PALD1: variants seen among roughly 807,000 people sequenced by gnomAD.
PALD1 encodes phosphatase domain containing paladin 1, also known as paladin.
PALD1 carries 57 observed loss-of-function variants against 96.0 expected under a neutral mutation model. The ratio of observed to expected loss-of-function variants is 0.59; its 90% CI spans 0.48 to 0.74. The LOEUF (loss-of-function observed/expected upper bound fraction) is 0.74, where lower values mean the gene tolerates loss of function less well. PALD1 is among the 30% of genes least tolerant of loss of function. The pLI, the probability that PALD1 is intolerant of heterozygous loss-of-function variation, is 0.00. For synonymous variants in PALD1, 464 were observed against 473.6 expected (o/e 0.98, Z 0.26); for missense variants, 1,063 against 1,143.7 (o/e 0.93, Z 1.02).
intron 1 of PALD1, among the ~76,000 whole-genome samples, chr10:70,490,359 C>A (rs901541701): frequency 2.6e-5 from 4 of 152,100 alleles, no homozygotes; most frequent in Admixed American, 2.0e-4. Flanking sequence ...GTAGCTAGGA[C>A]CACAGGCATG....
chr10:70,465,195 C>G, the PALD1 span, among the ~76,000 whole-genome samples: 1 of 151,728 alleles, frequency 6.6e-6, no homozygotes, highest in East Asian at 2.0e-4. Context: ...AGGATGGTCT[C>G]GATCTCCTGA....
chr10:70,529,378 C>G, intron 3 of PALD1, 47 bp downstream of exon 3: 1 of 890,742 alleles, frequency 1.1e-6, no homozygotes, highest in Admixed American at 2.0e-5. Context: ...CCTCCCACCC[C>G]TATCTCTCAT....
intron 1 of PALD1, among the ~76,000 whole-genome samples, chr10:70,493,091 TG>T (rs1464118320): frequency 2.6e-5 from 4 of 152,184 alleles, no homozygotes; most frequent in Non-Finnish European, 4.4e-5. Context: ...CCCCCTACCT[TG>T]GCTCATTCCG....
rs1401408118 is a variant in PALD1, at chr10:70,529,211, C to T, written c.186-18C>T. 10 of 10,646 alleles carry T rather than the reference C, an allele frequency of 9.4e-4. No individual in the cohort carries two copies. The highest frequency in any genetic ancestry group is 1.8e-3 in the African/African-American group (3 of 1,710). The allele number at this position is 10,646 out of a possible 1,614,324, so 0.7% of individuals were successfully genotyped here. On this transcript the variant is annotated intron_variant, in intron 2 of 19. Coordinates refer to ENST00000263563, the MANE Select transcript of PALD1 (RefSeq NM_014431.3). ...TGCTTGACTCAGTTTCCATTCTGCC[C>T]CCCCCCCCCCCCCCCAGGTACAACT...
intron 1 of PALD1, among the ~76,000 whole-genome samples, chr10:70,503,430 G>A (rs1274999565): frequency 6.6e-6 from 1 of 152,124 alleles, no homozygotes; most frequent in Non-Finnish European, 1.5e-5. Context: ...TAGGTCAGGA[G>A]TTCGAGAACA....
chr10:70,531,104 T>C (rs1846980368), intron 4 of PALD1, among the ~76,000 whole-genome samples, 186 bp from the exon 5 acceptor site: 1 of 152,130 alleles, frequency 6.6e-6, no homozygotes, highest in Non-Finnish European at 1.5e-5. Context: ...CACTGCTGAC[T>C]GGGAGGGTCA....
intron 1 of PALD1, among the ~76,000 whole-genome samples, chr10:70,522,746 A>T (rs1046845640): frequency 6.6e-6 from 1 of 151,932 alleles, no homozygotes; most frequent in African/African-American, 2.4e-5. Context: ...CTGCACCCCT[A>T]CCTTTGCTGA....
At chr10:70,514,968 G>A (rs1210074982) in intron 1 of PALD1, among the ~76,000 whole-genome samples, 1 of 152,180 alleles carries the variant, frequency 6.6e-6, no homozygotes, top group Non-Finnish European at 1.5e-5. Flanking sequence ...AGCGATGGAT[G>A]AGCAAAACAG....
At chr10:70,554,907 C>T (rs1847561305) in intron 18 of PALD1, among the ~76,000 whole-genome samples, 2 of 82,734 alleles carry the variant, frequency 2.4e-5, no homozygotes, top group Non-Finnish European at 5.0e-5. Context: ...TGAGCCTCCC[C>T]TCCCCTCTCC....
At chr10:70,471,703 GGC>G in the PALD1 span, among the ~76,000 whole-genome samples, 5 of 152,200 alleles carry the variant, frequency 3.3e-5, no homozygotes, top group African/African-American at 1.2e-4. Flanking sequence ...CACATTTCTA[GGC>G]GAAAGTCCTA....
chr10:70,564,705 G>C (rs1160445958), intron 19 of PALD1, among the ~76,000 whole-genome samples, 186 bp downstream of exon 19: 4 of 152,220 alleles, frequency 2.6e-5, no homozygotes, highest in African/African-American at 9.6e-5. Flanking sequence ...TTTGGGTCCC[G>C]AGCAGTTTGT....
intron 1 of PALD1, among the ~76,000 whole-genome samples, chr10:70,503,570 G>A (rs1311157803): frequency 2.0e-5 from 3 of 152,160 alleles, no homozygotes; most frequent in Non-Finnish European, 4.4e-5. Context: ...GGAGGCGGAG[G>A]CTGTGGTGAG....
chr10:70,505,753 G>T (rs552403209), intron 1 of PALD1, among the ~76,000 whole-genome samples: 2 of 152,316 alleles, frequency 1.3e-5, no homozygotes, highest in South Asian at 2.1e-4. Flanking sequence ...AGGTGCAGTG[G>T]CTCACGTCTG....
chr10:70,541,049 G>C, intron 15 of PALD1, 53 bp from the exon 16 acceptor site: 1 of 1,532,580 alleles, frequency 6.5e-7, no homozygotes, highest in Non-Finnish European at 8.8e-7. Flanking sequence ...CCCTGTTGGG[G>C]TTTGTGCATC....
In PALD1 at chr10:70,566,730, G is replaced by A. The variant is rs141110085; in HGVS notation, c.2568G>A (p.Leu856=). 4,064 of 1,588,292 alleles carry A rather than the reference G, an allele frequency of 2.6e-3. 7 individuals are homozygous for A. Among genetic ancestry groups the A allele is most frequent in the Non-Finnish European group, 3.1e-3 (3,575 of 1,168,406 alleles). The change falls in exon 20 of 20, where the codon CTG becomes CTA. Residue 856 remains leucine (L), a synonymous_variant. Coordinates refer to ENST00000263563, the MANE Select transcript of PALD1 (RefSeq NM_014431.3). ...AGCCCTCTGCCCCCGAGGACTTGCT[G>A]TAGGGGGCCTTACTCCCTGTCCCCC... ...SLEPSAPEDL[L]
At chr10:70,512,711 A>C (rs1846537001) in intron 1 of PALD1, among the ~76,000 whole-genome samples, 1 of 152,260 alleles carries the variant, frequency 6.6e-6, no homozygotes, top group Non-Finnish European at 1.5e-5. Context: ...AAGCAGTGGA[A>C]GGCCCACCCC....
intron 17 of PALD1, among the ~76,000 whole-genome samples, chr10:70,543,432 A>G (rs1266838985): frequency 6.6e-6 from 1 of 152,166 alleles, no homozygotes; most frequent in East Asian, 1.9e-4. Context: ...CCTTGGTGCT[A>G]TATCCAAGAA....
At chr10:70,517,111 C>T (rs538040393) in intron 1 of PALD1, among the ~76,000 whole-genome samples, 6 of 152,176 alleles carry the variant, frequency 3.9e-5, no homozygotes, top group African/African-American at 1.2e-4. Flanking sequence ...ATTTAACTTT[C>T]GCAACTACCC....
At chr10:70,503,583 T>C (rs561352860) in intron 1 of PALD1, among the ~76,000 whole-genome samples, 2 of 152,040 alleles carry the variant, frequency 1.3e-5, no homozygotes, top group Non-Finnish European at 2.9e-5. Context: ...GTGGTGAGCC[T>C]ATATCACGCC....
Sources: gnomAD v4.1 joint callset for allele counts (sites outside exome capture counted in the v4.1 genomes callset) on GRCh38, gnomAD v4.1.1 for gene constraint, MANE v1.5 for transcripts, NCBI Gene and HGNC (gene_info 2026-07-23, HGNC 2026-07-21) for gene names.